CSTPP1: variants seen among roughly 807,000 people sequenced by gnomAD.
CSTPP1 encodes centriolar satellite-associated tubulin polyglutamylase complex regulator 1.
chr11:47,034,747 C>A, the CSTPP1 span, among the ~76,000 whole-genome samples: 1 of 152,152 alleles, frequency 6.6e-6, no homozygotes, highest in East Asian at 1.9e-4. Context: ...AATCCTCCCA[C>A]CTCAGCCTTC....
chr11:47,161,120 C>T, the CSTPP1 span: 1 of 1,614,136 alleles, frequency 6.2e-7, no homozygotes, highest in Non-Finnish European at 8.5e-7. Context: ...CCCCAATGAT[C>T]TCCTAGGAGC....
the CSTPP1 span, among the ~76,000 whole-genome samples, chr11:47,091,528 A>G: frequency 6.6e-6 from 1 of 152,208 alleles, no homozygotes; most frequent in Non-Finnish European, 1.5e-5. Flanking sequence ...GAATGATGTT[A>G]TTATACCTCC....
At chr11:46,965,422 G>T in the CSTPP1 span, among the ~76,000 whole-genome samples, 2 of 151,738 alleles carry the variant, frequency 1.3e-5, no homozygotes, top group East Asian at 1.9e-4. Flanking sequence ...ATGGGGTTTT[G>T]CCATGTTGGT....
chr11:47,161,223 G>T, the CSTPP1 span: 1 of 1,614,138 alleles, frequency 6.2e-7, no homozygotes, highest in Non-Finnish European at 8.5e-7. Context: ...CTGCCCCCTT[G>T]TGGGGGCCAG....
the CSTPP1 span, among the ~76,000 whole-genome samples, chr11:47,096,187 T>G: frequency 6.6e-6 from 1 of 152,202 alleles, no homozygotes; most frequent in African/African-American, 2.4e-5. Context: ...AGACACCAAT[T>G]TTTTTATTGT....
chr11:47,161,003 A>C, the CSTPP1 span: 2 of 1,270,532 alleles, frequency 1.6e-6, no homozygotes, highest in East Asian at 2.4e-5. Flanking sequence ...CAGTCCTCAG[A>C]TCTTTAGATC....
chr11:47,100,537 A>G, the CSTPP1 span, among the ~76,000 whole-genome samples: 1 of 152,212 alleles, frequency 6.6e-6, no homozygotes, highest in African/African-American at 2.4e-5. Context: ...CATGCCTGTA[A>G]TCCTAGCACT....
the CSTPP1 span, among the ~76,000 whole-genome samples, chr11:47,026,374 C>A: frequency 6.6e-6 from 1 of 152,010 alleles, no homozygotes; most frequent in South Asian, 2.1e-4. Flanking sequence ...GCTTAGAGGC[C>A]TTGTTGAAAG....
the CSTPP1 span, among the ~76,000 whole-genome samples, chr11:47,066,090 T>TG: frequency 0.015 from 1,124 of 76,112 alleles, 6 homozygotes; most frequent in African/African-American, 0.059. Context: ...GGATGCCTTG[T>TG]GGGTTTTTTT....
chr11:46,970,703 AG>A, the CSTPP1 span, among the ~76,000 whole-genome samples: 3 of 152,138 alleles, frequency 2.0e-5, no homozygotes, highest in Non-Finnish European at 4.4e-5. Context: ...TGACAGAATA[AG>A]GACGATTATG....
the CSTPP1 span, among the ~76,000 whole-genome samples, chr11:47,020,581 C>T: frequency 6.6e-6 from 1 of 151,680 alleles, no homozygotes; most frequent in Non-Finnish European, 1.5e-5. Flanking sequence ...CAATAATAGG[C>T]AAAGGGTGGT....
At chr11:47,009,142 G>A in the CSTPP1 span, among the ~76,000 whole-genome samples, 1 of 152,018 alleles carries the variant, frequency 6.6e-6, no homozygotes, top group South Asian at 2.1e-4. Flanking sequence ...TAAATGCTCA[G>A]CTCACCTTTC....
the CSTPP1 span, among the ~76,000 whole-genome samples, chr11:47,126,351 G>A: frequency 4.6e-5 from 7 of 151,936 alleles, no homozygotes; most frequent in African/African-American, 1.5e-4. Context: ...GGCCAGGTGC[G>A]GTAGCTCACA....
chr11:46,986,896 T>G, the CSTPP1 span, among the ~76,000 whole-genome samples: 2 of 152,256 alleles, frequency 1.3e-5, no homozygotes, highest in African/African-American at 4.8e-5. Context: ...CAGGTGTATC[T>G]GCTGAATGGT....
the CSTPP1 span, among the ~76,000 whole-genome samples, chr11:46,967,391 G>A: frequency 6.6e-6 from 1 of 152,156 alleles, no homozygotes; most frequent in Non-Finnish European, 1.5e-5. Context: ...CATATTTCTA[G>A]ATTCTTATAT....
the CSTPP1 span, among the ~76,000 whole-genome samples, chr11:46,971,682 C>T: frequency 6.6e-6 from 1 of 151,818 alleles, no homozygotes; most frequent in Non-Finnish European, 1.5e-5. Context: ...CAGTGGCTCA[C>T]GCCAGTAATC....
the CSTPP1 span, among the ~76,000 whole-genome samples, chr11:46,996,709 T>G: frequency 1.3e-5 from 2 of 152,214 alleles, no homozygotes; most frequent in Admixed American, 1.3e-4. Flanking sequence ...GGTACTGGTT[T>G]TTCCTTTCCA....
the CSTPP1 span, among the ~76,000 whole-genome samples, chr11:47,127,673 C>T: frequency 2.0e-5 from 3 of 151,868 alleles, no homozygotes; most frequent in Non-Finnish European, 4.4e-5. Flanking sequence ...GTACCAGCAC[C>T]TTAATTTACC....
At chr11:46,988,672 TAGTCA>T in the CSTPP1 span, among the ~76,000 whole-genome samples, 1 of 152,148 alleles carries the variant, frequency 6.6e-6, no homozygotes, top group Non-Finnish European at 1.5e-5. Flanking sequence ...AGGGTGACTC[TAGTCA>T]ATGATAACTT....
Sources: gnomAD v4.1 joint callset for allele counts (sites outside exome capture counted in the v4.1 genomes callset) on GRCh38, gnomAD v4.1.1 for gene constraint, MANE v1.5 for transcripts, NCBI Gene and HGNC (gene_info 2026-07-23, HGNC 2026-07-21) for gene names.